Variants in GCH1 observed in about 807,000 individuals in gnomAD.
GCH1 encodes the protein GTP cyclohydrolase 1, also known as GTP cyclohydrolase I.
GCH1 carries 5 observed loss-of-function variants against 25.9 expected under a neutral mutation model. That is an observed-to-expected ratio of 0.19 (90% CI 0.10 to 0.41). The LOEUF is 0.41. Ranked by LOEUF, GCH1 falls within the 10% of genes least tolerant of loss-of-function variation. The pLI is 1.00. For missense variants in GCH1, 261 were observed against 336.5 expected, an observed-to-expected ratio of 0.78 and a Z score of 1.75; for synonymous variants, 159 against 129.6, an observed-to-expected ratio of 1.23 and a Z score of -1.54.
rs765167079 is a variant in GCH1 at position 54,843,017 on chromosome 14, T to C, written c.*1000A>G. 16 of 827,414 alleles carry C rather than the reference T, an allele frequency of 1.9e-5. 1 individual carries two copies. The South Asian group carries it at 2.2e-4, about 11-fold the overall frequency. The allele number at this position is 827,414 out of a possible 1,614,324, so 51.3% of individuals were successfully genotyped here. A position where few individuals can be genotyped will look rare whatever the true frequency, so the allele number is the denominator to read the frequency against. On this transcript the variant is annotated 3_prime_UTR_variant, in exon 6 of 6. Coordinates refer to ENST00000491895, the MANE Select transcript of GCH1 (RefSeq NM_000161.3). ...TGTCTTCCACCGTCAGTTCATTCTG[T>C]GCTCGTTCAGGTGCGTGGAAGCTAT...
chr14:54,862,260 ACCTGAAGCTATCCT>A (rs1399697986), intron 2 of GCH1, among the ~76,000 whole-genome samples: 122 of 151,618 alleles, frequency 8.0e-4, no homozygotes, highest in African/African-American at 2.8e-3. Flanking sequence ...TGAACTATTG[ACCTGAAGCTATCCT>A]CCCACCTTGA....
chr14:54,848,351 G>A (rs1238283077), intron 3 of GCH1, among the ~76,000 whole-genome samples: 1 of 152,064 alleles, frequency 6.6e-6, no homozygotes, highest in Non-Finnish European at 1.5e-5. Context: ...TGGCCAGGCT[G>A]GTCTCGAACT....
chr14:54,842,625 A>G lies in GCH1; in HGVS notation c.*1392T>C, dbSNP rs2039575551. On this transcript the variant is annotated 3_prime_UTR_variant, in exon 6 of 6. Transcript: ENST00000491895. ...ATAACCCAAATAGCATCAAAGTGGCAGAGATGGGACTAAAGTTAAAGCAAG... is the reference window on the plus strand; with the variant it reads ...ATAACCCAAATAGCATCAAAGTGGCGGAGATGGGACTAAAGTTAAAGCAAG... 5.8e-6 allele frequency: 1 copy of G among 171,604 alleles called. No homozygotes were observed. Among genetic ancestry groups the G allele is most frequent in the Non-Finnish European group, 1.2e-5 (1 of 81,140 alleles). The allele number at this position is 171,604 out of a possible 1,614,324, so 10.6% of individuals were successfully genotyped here.
chr14:54,862,592 C>CGTT (rs2039917806), intron 2 of GCH1, among the ~76,000 whole-genome samples: 1 of 63,032 alleles, frequency 1.6e-5, no homozygotes, highest in African/African-American at 9.4e-5. Flanking sequence ...GATTGGTTTT[C>CGTT]GTTTTTTTTT....
At chr14:54,896,321 T>C (rs1233895798) in intron 1 of GCH1, among the ~76,000 whole-genome samples, 4 of 152,140 alleles carry the variant, frequency 2.6e-5, no homozygotes, top group Non-Finnish European at 5.9e-5. Flanking sequence ...CCTAAAGATG[T>C]GGGTTCCCAC....
rs768015642 is a variant in GCH1 at position 54,865,486 on chromosome 14, A to G, written c.344-50T>C. 9 of 853,320 alleles carry G rather than the reference A, an allele frequency of 1.1e-5. No individual in the cohort carries two copies. In the African/African-American group the frequency reaches 1.5e-4, roughly 14 times the overall value. 52.9% of individuals were successfully genotyped at this position (853,320 alleles called of 1,614,324 possible). On this transcript the variant is annotated intron_variant, in intron 1 of 5. Transcript: ENST00000491895. Reference sequence around the variant, plus strand: ...AACATGTCCAATTTTATAGAAAGGTAGAATTATGGATAAACATGAATAGAC... The same window carrying G: ...AACATGTCCAATTTTATAGAAAGGTGGAATTATGGATAAACATGAATAGAC...
chr14:54,880,385 TAATA>T (rs2040229133), intron 1 of GCH1, among the ~76,000 whole-genome samples: 1 of 142,114 alleles, frequency 7.0e-6, no homozygotes, highest in African/African-American at 2.6e-5. Context: ...ATATATAATA[TAATA>T]TATATTATAT....
intron 2 of GCH1, among the ~76,000 whole-genome samples, chr14:54,863,991 T>C (rs968763740): frequency 6.6e-6 from 1 of 152,156 alleles, no homozygotes; most frequent in Non-Finnish European, 1.5e-5. Flanking sequence ...CCCGAGTAGC[T>C]GGCAGTACAG....
chr14:54,893,604 T>C (rs2040450443), intron 1 of GCH1, among the ~76,000 whole-genome samples: 2 of 152,248 alleles, frequency 1.3e-5, no homozygotes, highest in Admixed American at 1.3e-4. Context: ...TGATTCTCTT[T>C]CTATATCATC....
At position 54,861,175 on chromosome 14, in the gene GCH1, T is replaced by A. The variant is rs556674201; in HGVS notation, c.454-1439A>T. ...ACATAATTGATCTAGTAGTACTTAG[T>A]GATTTTTTCCCCCATCCATTGGCAC... is the stretch of plus-strand genomic sequence containing the variant. On this transcript the variant is annotated intron_variant, in intron 2 of 5. Transcript: ENST00000491895. 3.3e-5 allele frequency among the ~76,000 whole-genome samples: 5 copies of A among 152,322 alleles called. No individual in the cohort carries two copies. The South Asian group carries it at 1.0e-3, about 32-fold the overall frequency.
intron 3 of GCH1, among the ~76,000 whole-genome samples, chr14:54,851,506 G>T (rs147230512): frequency 0.013 from 2,021 of 152,238 alleles, 32 homozygotes; most frequent in African/African-American, 0.044. Flanking sequence ...AATCTACAAA[G>T]AACTTTAACA....
chr14:54,899,276 C>A (rs2040528844), intron 1 of GCH1, among the ~76,000 whole-genome samples: 1 of 152,020 alleles, frequency 6.6e-6, no homozygotes, highest in Admixed American at 6.5e-5. Context: ...GCCCGGGCAA[C>A]ATGGCAAAAA....
intron 1 of GCH1, among the ~76,000 whole-genome samples, chr14:54,874,975 T>C (rs2040136879): frequency 6.6e-6 from 1 of 152,150 alleles, no homozygotes; most frequent in South Asian, 2.1e-4. Flanking sequence ...AAAACTGCTT[T>C]AAAGTTCATA....
chr14:54,844,005 A>G lies in GCH1; in HGVS notation c.*12T>C, dbSNP rs190993883. 4.0e-4 allele frequency: 639 copies of G among 1,614,196 alleles called. 3 individuals are homozygous for G. The East Asian group carries it at 0.013, about 34-fold the overall frequency. ...TACGATCGGCAACCAACGCACACACACTGAATGAAGCTCAGCTCCTAATGA... is the reference window on the plus strand; with the variant it reads ...TACGATCGGCAACCAACGCACACACGCTGAATGAAGCTCAGCTCCTAATGA... On this transcript the variant is annotated 3_prime_UTR_variant, in exon 6 of 6. Coordinates refer to ENST00000491895, the MANE Select transcript of GCH1 (RefSeq NM_000161.3).
intron 1 of GCH1, among the ~76,000 whole-genome samples, chr14:54,895,595 A>G (rs747589843): frequency 6.6e-6 from 1 of 152,238 alleles, no homozygotes; most frequent in Non-Finnish European, 1.5e-5. Flanking sequence ...AACTAAGTGT[A>G]GGTTCTGAAT....
chr14:54,895,973 A>G (rs921969738), intron 1 of GCH1, among the ~76,000 whole-genome samples: 2 of 152,230 alleles, frequency 1.3e-5, no homozygotes, highest in Admixed American at 1.3e-4. Context: ...GGAGACAGTC[A>G]TGGAGAGACG....
intron 5 of GCH1, among the ~76,000 whole-genome samples, chr14:54,845,115 G>C (rs2039621035): frequency 6.6e-6 from 1 of 152,084 alleles, no homozygotes; most frequent in East Asian, 1.9e-4. Context: ...AGAGGTTGCA[G>C]TGAGCCAAGA....
chr14:54,902,665 G>T lies in GCH1; in HGVS notation c.-2C>A. The T allele has an allele frequency of 2.1e-6, 3 of 1,447,614 alleles. No individual in the cohort carries two copies. Among genetic ancestry groups the T allele is most frequent in the Non-Finnish European group, 2.7e-6 (3 of 1,103,608 alleles). 89.7% of individuals were successfully genotyped at this position (1,447,614 alleles called of 1,614,324 possible). A position where few individuals can be genotyped will look rare whatever the true frequency, so the allele number is the denominator to read the frequency against. On this transcript the variant is annotated 5_prime_UTR_variant, in exon 1 of 6. Coordinates refer to ENST00000491895, the MANE Select transcript of GCH1 (RefSeq NM_000161.3). ...TGCCCGCACAGGGCCCTTCTCCATG[G>T]ACCCGCCGCAGCCGCTGCCGTTCGG...
chr14:54,860,538 CTT>C (rs869140517), intron 2 of GCH1, among the ~76,000 whole-genome samples: 7 of 134,184 alleles, frequency 5.2e-5, no homozygotes, highest in African/African-American at 5.5e-5. Context: ...CACCATCTTC[CTT>C]TTTTTTTTTT....
Sources: gnomAD v4.1 joint callset for allele counts (sites outside exome capture counted in the v4.1 genomes callset) on GRCh38, gnomAD v4.1.1 for gene constraint, MANE v1.5 for transcripts, NCBI Gene and HGNC (gene_info 2026-07-23, HGNC 2026-07-21) for gene names.